Variants in KITLG observed in about 807,000 individuals in gnomAD.
The protein encoded by KITLG is KIT ligand.
A neutral mutation model predicts 34.1 loss-of-function variants in KITLG; 13 were observed. The ratio of observed to expected loss-of-function variants is 0.38; its 90% confidence interval spans 0.25 to 0.61. The LOEUF (loss-of-function observed/expected upper bound fraction) is 0.61. KITLG is among the 20% of genes least tolerant of loss of function. KITLG has a pLI of 0.60. For missense variants in KITLG, 292 were observed against 318.9 expected (o/e 0.92, Z 0.64); for synonymous variants, 110 against 104.0 (o/e 1.06, Z -0.35).
rs117102843 is a variant in KITLG at position 88,525,678 on chromosome 12, C to A, written c.192+6763G>T. On this transcript the variant is annotated intron_variant, in intron 3 of 9. Coordinates refer to ENST00000644744, the MANE Select transcript of KITLG (RefSeq NM_000899.5). ...CTTAAAATATTAAGCTCTATGTAAG[C>A]AATATATGATCATGTACCCAAGATG... 1.8e-4 allele frequency among the ~76,000 whole-genome samples: 28 copies of A among 152,124 alleles called. No individual in the cohort carries two copies. In the East Asian group the frequency reaches 4.8e-3, roughly 26 times the overall value.
At chr12:88,575,402 A>G (rs2120993253) in intron 1 of KITLG, among the ~76,000 whole-genome samples, 1 of 152,328 alleles carries the variant, frequency 6.6e-6, no homozygotes, top group East Asian at 1.9e-4. Context: ...AGCCCCAACT[A>G]TGAGAAAATC....
chr12:88,565,626 C>T (rs546887390), intron 1 of KITLG, among the ~76,000 whole-genome samples: 1 of 143,964 alleles, frequency 6.9e-6, no homozygotes, highest in South Asian at 2.1e-4. Context: ...TCCATTTAAA[C>T]AAACAAAGAA....
intron 1 of KITLG, among the ~76,000 whole-genome samples, chr12:88,565,952 C>G (rs1036574705): frequency 1.3e-4 from 20 of 152,210 alleles, no homozygotes; most frequent in Non-Finnish European, 2.1e-4. Flanking sequence ...GCCCTAAAAT[C>G]CTTTCTGGTT....
intron 6 of KITLG, among the ~76,000 whole-genome samples, chr12:88,510,218 C>T (rs899653853): frequency 2.0e-5 from 3 of 152,112 alleles, no homozygotes; most frequent in African/African-American, 7.2e-5. Context: ...TTTTTAGGAG[C>T]ACCATGCCTG....
chr12:88,519,127 G>T (rs1869565568), intron 3 of KITLG, among the ~76,000 whole-genome samples: 2 of 152,056 alleles, frequency 1.3e-5, no homozygotes, highest in South Asian at 4.2e-4. Flanking sequence ...TTCCCAATGT[G>T]CTGGGATTAC....
chr12:88,568,673 A>G (rs1871537408), intron 1 of KITLG, among the ~76,000 whole-genome samples: 2 of 152,188 alleles, frequency 1.3e-5, no homozygotes, highest in Non-Finnish European at 2.9e-5. Context: ...CACTTTGAGA[A>G]ATATAATTTA....
intron 1 of KITLG, among the ~76,000 whole-genome samples, chr12:88,548,754 A>T (rs1239641736): frequency 6.6e-6 from 1 of 152,228 alleles, no homozygotes; most frequent in African/African-American, 2.4e-5. Flanking sequence ...AGCACACATC[A>T]GTGCCTGCTA....
chr12:88,532,097 G>C (rs1870116241), intron 3 of KITLG, among the ~76,000 whole-genome samples: 1 of 152,034 alleles, frequency 6.6e-6, no homozygotes, highest in Non-Finnish European at 1.5e-5. Context: ...CAAATACTAT[G>C]CCATTCATAG....
chr12:88,540,180 C>A (rs1870471830), intron 2 of KITLG, among the ~76,000 whole-genome samples: 1 of 151,974 alleles, frequency 6.6e-6, no homozygotes, highest in South Asian at 2.1e-4. Flanking sequence ...GATAAGGTGA[C>A]TACTATTCAG....
At chr12:88,534,756 C>T (rs1870245101) in intron 2 of KITLG, 1 of 480,604 alleles carries the variant, frequency 2.1e-6, no homozygotes, top group Non-Finnish European at 4.1e-6. Flanking sequence ...TTATTCTTTA[C>T]ACTTAACTTT....
rs191225752 is a variant in KITLG, at chr12:88,495,137, C to G, written c.*2082G>C. The G allele has an allele frequency of 6.6e-6, 1 of 151,978 alleles. No homozygotes were observed. The highest frequency in any genetic ancestry group is 1.9e-4 in the East Asian group (1 of 5,154). The allele number at this position is 151,978 out of a possible 1,614,324, so 9.4% of individuals were successfully genotyped here. A position where few individuals can be genotyped will look rare whatever the true frequency, so the allele number is the denominator to read the frequency against. ...TTTATTTAACTCCATTGATTAAGAC[C>G]ATGTCCATGAGTGTTAAAACCCAGC... On this transcript the variant is annotated 3_prime_UTR_variant, in exon 10 of 10. Coordinates refer to ENST00000644744, the MANE Select transcript of KITLG (RefSeq NM_000899.5).
At chr12:88,533,010 C>T (rs4842631) in intron 2 of KITLG, among the ~76,000 whole-genome samples, 13,440 of 152,088 alleles carry the variant, frequency 0.088, 627 homozygotes, top group Non-Finnish European at 0.1. Context: ...CCGATGTGCA[C>T]CCAAATTTGA....
intron 1 of KITLG, among the ~76,000 whole-genome samples, chr12:88,557,829 C>A (rs1335505006): frequency 6.6e-6 from 1 of 152,136 alleles, no homozygotes; most frequent in Non-Finnish European, 1.5e-5. Flanking sequence ...CTTATGCCAA[C>A]TAGCTGCTCT....
intron 4 of KITLG, among the ~76,000 whole-genome samples, chr12:88,517,868 A>G (rs1869511007): frequency 6.6e-6 from 1 of 152,172 alleles, no homozygotes; most frequent in African/African-American, 2.4e-5. Flanking sequence ...TTAGGTATTA[A>G]GGTACAGAAT....
Position 88,495,763 on chromosome 12 carries a change from T to C in KITLG, c.*1456A>G, listed in dbSNP as rs1282567550. On this transcript the variant is annotated 3_prime_UTR_variant, in exon 10 of 10. Coordinates refer to ENST00000644744, the MANE Select transcript of KITLG (RefSeq NM_000899.5). ...CGGTTGTAGAACATGGCAATAATGT[T>C]ATCACAAAGATTAAGTTAGAATGGA... is the stretch of plus-strand genomic sequence containing the variant. 6.6e-6 allele frequency: 1 copy of C among 152,298 alleles called. No individual in the cohort carries two copies. The highest frequency in any genetic ancestry group is 1.9e-4 in the East Asian group (1 of 5,198). 9.4% of individuals were successfully genotyped at this position (152,298 alleles called of 1,614,324 possible). A position where few individuals can be genotyped will look rare whatever the true frequency, so the allele number is the denominator to read the frequency against.
intron 3 of KITLG, among the ~76,000 whole-genome samples, chr12:88,531,013 T>C (rs114217062): frequency 0.084 from 12,827 of 152,178 alleles, 571 homozygotes; most frequent in Non-Finnish European, 0.1. Context: ...ATGAGAGTTG[T>C]AGAGAAGAGA....
chr12:88,501,004 T>C (rs1868834322), intron 9 of KITLG, among the ~76,000 whole-genome samples: 1 of 152,136 alleles, frequency 6.6e-6, no homozygotes, highest in African/African-American at 2.4e-5. Context: ...GGTCTCGAAC[T>C]CCTGGGCTCA....
At chr12:88,506,952 T>A in intron 7 of KITLG, 76 bp downstream of exon 7, 1 of 874,740 alleles carries the variant, frequency 1.1e-6, no homozygotes, top group Non-Finnish European at 1.9e-6. Context: ...TCTTAAAGGA[T>A]CATTTCTTGA....
In KITLG at chr12:88,545,570, A is replaced by G. The variant is rs11834623; in HGVS notation, c.129+182T>C. Among the ~76,000 whole-genome samples, 612 of 152,304 alleles carry G rather than the reference A, an allele frequency of 4.0e-3. 1 individual carries two copies. The highest frequency in any genetic ancestry group is 9.6e-3 in the African/African-American group (401 of 41,574). On this transcript the variant is annotated intron_variant, in intron 2 of 9. Coordinates refer to ENST00000644744, the MANE Select transcript of KITLG (RefSeq NM_000899.5). ...AGCCAGTTTTACCAACAAATTATCC[A>G]TGACCCTAAATATCTCACTACCTGC...
Sources: allele counts gnomAD v4.1 joint callset (sites outside exome capture counted in the v4.1 genomes callset), GRCh38; gene constraint gnomAD v4.1.1; transcripts MANE v1.5; gene names NCBI Gene and HGNC (gene_info 2026-07-23, HGNC 2026-07-21).